SLC44A1: variants seen among roughly 807,000 people sequenced by gnomAD.
The protein encoded by SLC44A1 is choline transporter-like protein 1.
A neutral mutation model predicts 79.3 loss-of-function variants in SLC44A1; 26 were observed. That is an observed-to-expected ratio of 0.33 (90% CI 0.24 to 0.46). The LOEUF (loss-of-function observed/expected upper bound fraction) is 0.46, where lower values mean the gene tolerates loss of function less well. Among genes scored for constraint, SLC44A1 ranks in the 20% least tolerant of loss-of-function variants. The pLI is 1.00. For synonymous variants in SLC44A1, 263 were observed against 286.2 expected, an observed-to-expected ratio of 0.92 and a Z score of 0.82; for missense variants, 688 against 798.1, an observed-to-expected ratio of 0.86 and a Z score of 1.66.
intron 1 of SLC44A1, among the ~76,000 whole-genome samples, chr9:105,279,718 T>C (rs1278571351): frequency 6.6e-6 from 1 of 152,208 alleles, no homozygotes; most frequent in Non-Finnish European, 1.5e-5. Context: ...ATCAGGAATA[T>C]ATAAACCTTC....
intron 1 of SLC44A1, among the ~76,000 whole-genome samples, chr9:105,271,162 T>C (rs1479209696): frequency 6.6e-6 from 1 of 152,260 alleles, no homozygotes; most frequent in Non-Finnish European, 1.5e-5. Flanking sequence ...AAATTTCTGC[T>C]GCAGGTTTTC....
intron 1 of SLC44A1, among the ~76,000 whole-genome samples, chr9:105,248,267 C>G (rs551660013): frequency 6.6e-6 from 1 of 152,306 alleles, no homozygotes; most frequent in African/African-American, 2.4e-5. Context: ...CTTACAGTCT[C>G]TTGCTATGTT....
At chr9:105,411,446 C>CTCTG (rs1554690987) in intron 15 of SLC44A1, among the ~76,000 whole-genome samples, 30 of 142,784 alleles carry the variant, frequency 2.1e-4, no homozygotes, top group African/African-American at 8.2e-4. Context: ...TGGTCTCTCT[C>CTCTG]TGTGTATGTG....
intron 1 of SLC44A1, among the ~76,000 whole-genome samples, chr9:105,298,353 G>GTTGT (rs1055751998): frequency 6.6e-6 from 1 of 151,270 alleles, no homozygotes; most frequent in Non-Finnish European, 1.5e-5. Flanking sequence ...TGTTGTTGTT[G>GTTGT]TTGTTTGTTT....
At chr9:105,246,986 C>G (rs1379634104) in intron 1 of SLC44A1, among the ~76,000 whole-genome samples, 1 of 152,116 alleles carries the variant, frequency 6.6e-6, no homozygotes, top group African/African-American at 2.4e-5. Flanking sequence ...CCTGTGGATT[C>G]CTATAACCAA....
rs183980902 is a variant in SLC44A1 at position 105,417,855 on chromosome 9, A to C, written c.1951-20426A>C. On this transcript the variant is annotated intron_variant, in intron 15 of 15. Coordinates refer to the SLC44A1 transcript ENST00000374724. Reference sequence around the variant, plus strand: ...TCATCCCTACAAAAAAAAAAAAAAAAAAAACAATTTAATTAGCCAGGTATG... The same window carrying C: ...TCATCCCTACAAAAAAAAAAAAAAACAAAACAATTTAATTAGCCAGGTATG... 2.0e-3 allele frequency among the ~76,000 whole-genome samples: 296 copies of C among 151,622 alleles called. 1 individual carries two copies. The highest frequency in any genetic ancestry group is 6.8e-3 in the Middle Eastern group (2 of 294).
At chr9:105,399,445 C>T (rs2131497104), downstream of SLC44A1, among the ~76,000 whole-genome samples, 1 of 152,210 alleles carries the variant, frequency 6.6e-6, no homozygotes, top group African/African-American at 2.4e-5. Flanking sequence ...CTCCATCTTC[C>T]AGAAAGGATT....
intron 4 of SLC44A1, among the ~76,000 whole-genome samples, chr9:105,343,013 T>G (rs1025713860): frequency 6.6e-6 from 1 of 151,182 alleles, no homozygotes; most frequent in African/African-American, 2.4e-5. Context: ...TAAATAGAAA[T>G]GAACATAACC....
chr9:105,280,601 A>G (rs1028508804), intron 1 of SLC44A1, among the ~76,000 whole-genome samples: 3 of 152,256 alleles, frequency 2.0e-5, no homozygotes, highest in African/African-American at 7.2e-5. Flanking sequence ...AGGTATTAAT[A>G]GAAGAAAACA....
intron 15 of SLC44A1, among the ~76,000 whole-genome samples, chr9:105,421,430 G>A (rs1829247296): frequency 6.6e-6 from 1 of 152,124 alleles, no homozygotes; most frequent in African/African-American, 2.4e-5. Flanking sequence ...AGGTCAGAGA[G>A]CCTCTGGCAA....
Position 105,389,924 on chromosome 9 carries a change from A to G in SLC44A1, c.*868A>G, listed in dbSNP as rs768907098. 1.1e-5 allele frequency: 16 copies of G among 1,515,330 alleles called. No homozygotes were observed. Among genetic ancestry groups the G allele is most frequent in the Non-Finnish European group, 1.4e-5 (16 of 1,132,860 alleles). 93.9% of individuals were successfully genotyped at this position (1,515,330 alleles called of 1,614,324 possible). A position where few individuals can be genotyped will look rare whatever the true frequency, so the allele number is the denominator to read the frequency against. ...TGCAGATTAAGTAATGCTGGGAGGA[A>G]TAAAGAAGGGACAGAAACATGGAAC... On this transcript the variant is annotated 3_prime_UTR_variant, in exon 16 of 16. Coordinates refer to ENST00000374720, the MANE Select transcript of SLC44A1 (RefSeq NM_080546.5).
At chr9:105,353,703 CAAG>C (rs1285865559) in intron 5 of SLC44A1, among the ~76,000 whole-genome samples, 1 of 151,938 alleles carries the variant, frequency 6.6e-6, no homozygotes, top group East Asian at 1.9e-4. Context: ...GTACTGAAAA[CAAG>C]AAAAAGACAT....
intron 15 of SLC44A1, among the ~76,000 whole-genome samples, chr9:105,409,042 A>T (rs1334156946): frequency 6.6e-6 from 1 of 152,246 alleles, no homozygotes; most frequent in African/African-American, 2.4e-5. Context: ...AGACACAGAT[A>T]TGATATAAAG....
In SLC44A1 at chr9:105,389,811, G is replaced by C; in HGVS notation, c.*755G>C. ...TGTCTTTCTTTCCTTTTTGACTTTAGTAGCATCCTCCACACATTTGTGTGC... is the reference window on the plus strand; with the variant it reads ...TGTCTTTCTTTCCTTTTTGACTTTACTAGCATCCTCCACACATTTGTGTGC... On this transcript the variant is annotated 3_prime_UTR_variant, in exon 16 of 16. Transcript: ENST00000374720. 7.3e-7 allele frequency: 1 copy of C among 1,379,294 alleles called. No individual in the cohort carries two copies. Among genetic ancestry groups the C allele is most frequent in the Non-Finnish European group, 9.4e-7 (1 of 1,063,112 alleles). The allele number at this position is 1,379,294 out of a possible 1,614,324, so 85.4% of individuals were successfully genotyped here.
chr9:105,272,145 C>T (rs1830093084), intron 1 of SLC44A1, among the ~76,000 whole-genome samples: 1 of 152,096 alleles, frequency 6.6e-6, no homozygotes, highest in South Asian at 2.1e-4. Flanking sequence ...GTTTAATTTT[C>T]CCAAGAAAAT....
intron 5 of SLC44A1, among the ~76,000 whole-genome samples, chr9:105,351,018 A>C (rs1827388735): frequency 6.6e-6 from 1 of 152,246 alleles, no homozygotes; most frequent in Non-Finnish European, 1.5e-5. Context: ...ATTTTATCCA[A>C]ATTCATAACT....
At chr9:105,245,392 C>T (rs1021580643) in intron 1 of SLC44A1, among the ~76,000 whole-genome samples, 4 of 152,240 alleles carry the variant, frequency 2.6e-5, no homozygotes, top group Non-Finnish European at 5.9e-5. Flanking sequence ...ATTCCAGTTT[C>T]TGCTTCATTA....
At chr9:105,412,759 G>A (rs775773881) in intron 15 of SLC44A1, among the ~76,000 whole-genome samples, 14 of 151,926 alleles carry the variant, frequency 9.2e-5, no homozygotes, top group African/African-American at 2.9e-4. Flanking sequence ...CTGCCACCAC[G>A]CCCGGCTAAT....
intron 1 of SLC44A1, among the ~76,000 whole-genome samples, chr9:105,248,902 G>GT (rs1423377352): frequency 1.3e-5 from 2 of 152,180 alleles, no homozygotes; most frequent in African/African-American, 4.8e-5. Context: ...GCAAATTGCC[G>GT]TAAGTCTTTG....
Sources: allele counts gnomAD v4.1 joint callset (sites outside exome capture counted in the v4.1 genomes callset), GRCh38; gene constraint gnomAD v4.1.1; transcripts MANE v1.5; gene names NCBI Gene and HGNC (gene_info 2026-07-23, HGNC 2026-07-21).